PRKAR2A: variants seen among roughly 807,000 people sequenced by gnomAD.
PRKAR2A encodes protein kinase cAMP-dependent type II regulatory subunit alpha.
In PRKAR2A, 29 loss-of-function variants were observed where a neutral mutation model predicts 51.9. The observed-to-expected ratio is 0.56, with a 90% CI of 0.42 to 0.76. PRKAR2A has a LOEUF of 0.76. Ranked by LOEUF, PRKAR2A falls within the 30% of genes least tolerant of loss-of-function variation. The probability of loss-of-function intolerance (pLI) is 0.00; values close to 1 mark genes in which losing one functional copy is unlikely to be tolerated. For missense variants in PRKAR2A, 445 were observed against 512.1 expected (o/e 0.87, Z 1.26); for synonymous variants, 178 against 186.2 (o/e 0.96, Z 0.36).
chr3:48,782,958 C>T, intron 5 of PRKAR2A, 28 bp downstream of exon 5: 1 of 1,446,440 alleles, frequency 6.9e-7, no homozygotes, highest in Middle Eastern at 1.7e-4. Context: ...TAAGTGTGGC[C>T]ACACAATTTC....
intron 9 of PRKAR2A, among the ~76,000 whole-genome samples, chr3:48,755,385 TTC>T (rs2081744267): frequency 6.6e-6 from 1 of 152,090 alleles, no homozygotes; most frequent in Admixed American, 6.6e-5. Context: ...ACACTCTGTA[TTC>T]TCAAAAAAGA....
chr3:48,768,280 T>C (rs1185155030), intron 6 of PRKAR2A, among the ~76,000 whole-genome samples: 1 of 145,468 alleles, frequency 6.9e-6, no homozygotes, highest in Admixed American at 6.9e-5. Context: ...GCCAACAGAG[T>C]GAGACCGTCT....
intron 6 of PRKAR2A, among the ~76,000 whole-genome samples, chr3:48,768,297 A>AT (rs1241958589): frequency 1.5e-5 from 2 of 134,006 alleles, no homozygotes; most frequent in Non-Finnish European, 3.2e-5. Flanking sequence ...GTCTCAAAAG[A>AT]TAGATAGATA....
In PRKAR2A at chr3:48,847,188, T is replaced by C. The variant is rs1365007686; in HGVS notation, c.262+147A>G. On this transcript the variant is annotated intron_variant, in intron 1 of 10. Coordinates refer to ENST00000265563, the MANE Select transcript of PRKAR2A (RefSeq NM_004157.4). This position sits in a 1 kb window ranked among gnomAD's most constrained non-coding sequence, Gnocchi z 4.4. ...GCGCACGCGGGCTCACGCCGGTGTC[T>C]CAGGGAAACGCTAGAAACGCGGCTA... 8 of 1,063,148 alleles carry C rather than the reference T, an allele frequency of 7.5e-6. No individual in the cohort carries two copies. The highest frequency in any genetic ancestry group is 1.1e-5 in the Non-Finnish European group (8 of 758,220). 65.9% of individuals were successfully genotyped at this position (1,063,148 alleles called of 1,614,324 possible).
At chr3:48,824,723 G>T (rs2083031259) in intron 1 of PRKAR2A, among the ~76,000 whole-genome samples, 1 of 152,008 alleles carries the variant, frequency 6.6e-6, no homozygotes, top group African/African-American at 2.4e-5. Context: ...GAGGCGGGAG[G>T]ATCACTTGAG....
intron 2 of PRKAR2A, among the ~76,000 whole-genome samples, chr3:48,797,831 A>C (rs1167408557): frequency 6.6e-6 from 1 of 152,226 alleles, no homozygotes; most frequent in African/African-American, 2.4e-5. Context: ...AATGGGATAT[A>C]GGTAATGACT....
intron 1 of PRKAR2A, among the ~76,000 whole-genome samples, chr3:48,824,003 G>A (rs1465941684): frequency 6.6e-6 from 1 of 152,162 alleles, no homozygotes; most frequent in Non-Finnish European, 1.5e-5. Flanking sequence ...CACTTTGGGA[G>A]GCTAAGGCAG....
intron 3 of PRKAR2A, 78 bp downstream of exon 3, chr3:48,793,919 T>G: frequency 1.8e-4 from 188 of 1,068,032 alleles, no homozygotes; most frequent in Non-Finnish European, 2.4e-4. Flanking sequence ...ATTAGCATGA[T>G]GAGTTTTTGG....
chr3:48,767,877 T>G (rs2081964280), intron 6 of PRKAR2A, among the ~76,000 whole-genome samples: 1 of 149,370 alleles, frequency 6.7e-6, no homozygotes. Context: ...TGAGCCAAGA[T>G]CACACCACTG....
At chr3:48,807,747 C>T in intron 1 of PRKAR2A, 63 bp from the exon 2 acceptor site, 4 of 1,447,246 alleles carry the variant, frequency 2.8e-6, no homozygotes, top group South Asian at 2.3e-5. Flanking sequence ...TTTATCCTCC[C>T]TTTTTGCAAA....
intron 1 of PRKAR2A, among the ~76,000 whole-genome samples, chr3:48,843,640 A>G (rs993421912): frequency 1.3e-5 from 2 of 152,198 alleles, no homozygotes; most frequent in African/African-American, 4.8e-5. Context: ...AAACAGAGAT[A>G]TAGATCAATG....
intron 1 of PRKAR2A, among the ~76,000 whole-genome samples, chr3:48,820,969 AG>A (rs996323051): frequency 2.0e-5 from 3 of 152,198 alleles, no homozygotes; most frequent in Admixed American, 2.0e-4. Flanking sequence ...TAAACTTCAC[AG>A]TTCCTGTTAC....
chr3:48,753,669 G>GT (rs1353854785), intron 9 of PRKAR2A, among the ~76,000 whole-genome samples: 2 of 152,094 alleles, frequency 1.3e-5, no homozygotes, highest in Non-Finnish European at 2.9e-5. Context: ...TATTACGCAG[G>GT]TTTTCTCGCA....
In PRKAR2A at chr3:48,751,470, G is replaced by T; in HGVS notation, c.*115C>A. ...CTAAATGCCCATAACCACAGCAATGGCAGCAGTGGCGGCAACGGCAGGAAC... is the reference window on the plus strand; with the variant it reads ...CTAAATGCCCATAACCACAGCAATGTCAGCAGTGGCGGCAACGGCAGGAAC... On this transcript the variant is annotated 3_prime_UTR_variant, in exon 11 of 11. Transcript: ENST00000265563. 2 of 1,444,644 alleles carry T rather than the reference G, an allele frequency of 1.4e-6. No homozygotes were observed. Among genetic ancestry groups the T allele is most frequent in the Non-Finnish European group, 9.6e-7 (1 of 1,036,868 alleles). 89.5% of individuals were successfully genotyped at this position (1,444,644 alleles called of 1,614,324 possible).
chr3:48,754,700 G>A (rs1451496990), intron 9 of PRKAR2A, among the ~76,000 whole-genome samples: 4 of 151,764 alleles, frequency 2.6e-5, no homozygotes, highest in Admixed American at 1.3e-4. Flanking sequence ...CTTGAACCCA[G>A]GGACGGAGGT....
intron 1 of PRKAR2A, among the ~76,000 whole-genome samples, chr3:48,813,997 C>T (rs570200040): frequency 6.6e-6 from 1 of 152,164 alleles, no homozygotes; most frequent in East Asian, 1.9e-4. Flanking sequence ...GCAGTGTAAT[C>T]CCAGCACTTT....
chr3:48,806,369 C>T (rs949858296), intron 2 of PRKAR2A, among the ~76,000 whole-genome samples: 2 of 152,038 alleles, frequency 1.3e-5, no homozygotes, highest in African/African-American at 4.8e-5. Flanking sequence ...ACTGTACTCC[C>T]AAATAAATTC....
At chr3:48,840,754 T>G (rs2083366549) in intron 1 of PRKAR2A, among the ~76,000 whole-genome samples, 1 of 149,804 alleles carries the variant, frequency 6.7e-6, no homozygotes, top group Non-Finnish European at 1.5e-5. Context: ...TATTTTGTAT[T>G]TTTAGTAGAG....
rs555140054 is a variant in PRKAR2A at position 48,754,145 on chromosome 3, C to G, written c.940-1828G>C. ...TCGATCTCCTGACCTCGTGATCCGCCTGCCTCGGCCTCCCAAAGTGCTGGA... is the reference window on the plus strand; with the variant it reads ...TCGATCTCCTGACCTCGTGATCCGCGTGCCTCGGCCTCCCAAAGTGCTGGA... On this transcript the variant is annotated intron_variant, in intron 9 of 10. Transcript: ENST00000265563. Among the ~76,000 whole-genome samples, 161 of 152,144 alleles carry G rather than the reference C, an allele frequency of 1.1e-3. 1 individual carries two copies. Among genetic ancestry groups the G allele is most frequent in the African/African-American group, 3.5e-3 (147 of 41,522 alleles).
Sources: gnomAD v4.1 joint callset for allele counts (sites outside exome capture counted in the v4.1 genomes callset) on GRCh38, gnomAD v4.1.1 for gene constraint, Gnocchi (gnomAD v3.1) non-coding constraint, MANE v1.5 for transcripts, NCBI Gene and HGNC (gene_info 2026-07-23, HGNC 2026-07-21) for gene names.